LRP1B: variants seen among roughly 807,000 people sequenced by gnomAD.
LRP1B encodes the protein low-density lipoprotein receptor-related protein 1B.
LRP1B carries 217 observed loss-of-function variants against 556.6 expected under a neutral mutation model. That is an observed-to-expected ratio of 0.39 (90% CI 0.35 to 0.44). LRP1B has a LOEUF of 0.44. Ranked by LOEUF, LRP1B falls within the 20% of genes least tolerant of loss-of-function variation. The probability of loss-of-function intolerance (pLI) is 1.00; values close to 1 mark genes in which losing one functional copy is unlikely to be tolerated. For synonymous variants in LRP1B, 2,047 were observed against 1,865.8 expected, an observed-to-expected ratio of 1.10 and a Z score of -2.50; for missense variants, 5,053 against 5,620.8, an observed-to-expected ratio of 0.90 and a Z score of 3.23.
In LRP1B at chr2:140,842,502, G is replaced by A. The variant is rs372869344; in HGVS notation, c.4940-1410C>T. On this transcript the variant is annotated intron_variant, in intron 29 of 90. Transcript: ENST00000389484. ...CCTCTCACTCTGCAAATTACTTTTC[G>A]TGATTAATTTACAGGTGAGTTGGTG... 3.9e-5 allele frequency among the ~76,000 whole-genome samples: 6 copies of A among 152,180 alleles called. No individual in the cohort carries two copies. In the East Asian group the frequency reaches 5.8e-4, roughly 15 times the overall value.
intron 32 of LRP1B, among the ~76,000 whole-genome samples, chr2:140,784,339 A>C (rs548144412): frequency 6.8e-6 from 1 of 147,642 alleles, no homozygotes; most frequent in Admixed American, 6.9e-5. Context: ...GTCTAGACCA[A>C]TGCTCCGAAG....
chr2:141,410,564 G>T (rs1011035058), intron 3 of LRP1B, among the ~76,000 whole-genome samples: 2 of 151,992 alleles, frequency 1.3e-5, no homozygotes, highest in East Asian at 3.9e-4. Flanking sequence ...GTGTGCACAT[G>T]CATGCACGAA....
rs574274997 is a variant in LRP1B at position 140,457,101 on chromosome 2, C to T, written c.9814+362G>A. On this transcript the variant is annotated intron_variant, in intron 61 of 90. Coordinates refer to ENST00000389484, the MANE Select transcript of LRP1B (RefSeq NM_018557.3). ...TTGATAGAGTTGTCAGTTTTAAAAC[C>T]CTAGAGCTACTTAAGCATAATTCCT... 2.6e-5 allele frequency among the ~76,000 whole-genome samples: 4 copies of T among 152,082 alleles called. No individual in the cohort carries two copies. In the East Asian group the frequency reaches 7.7e-4, roughly 29 times the overall value.
intron 7 of LRP1B, among the ~76,000 whole-genome samples, chr2:141,126,504 T>C (rs1319690906): frequency 6.6e-6 from 1 of 152,198 alleles, no homozygotes; most frequent in Non-Finnish European, 1.5e-5. Context: ...TTATCCCTCC[T>C]TGTTGCAGTC....
chr2:140,607,519 G>C (rs1250927044), intron 41 of LRP1B, among the ~76,000 whole-genome samples: 1 of 151,962 alleles, frequency 6.6e-6, no homozygotes, highest in Non-Finnish European at 1.5e-5. Flanking sequence ...AAACAGCCCA[G>C]ATGTCAATCA....
chr2:141,815,893 C>T (rs994938819), intron 1 of LRP1B, among the ~76,000 whole-genome samples: 9 of 151,544 alleles, frequency 5.9e-5, no homozygotes, highest in African/African-American at 1.7e-4. Flanking sequence ...GTGAACCCAC[C>T]GGAAGGAACC....
At chr2:140,339,291 T>C (rs1326614304) in intron 77 of LRP1B, among the ~76,000 whole-genome samples, 3 of 151,824 alleles carry the variant, frequency 2.0e-5, no homozygotes, top group Non-Finnish European at 2.9e-5. Context: ...TGAAGACATT[T>C]GTTTTAAAAC....
chr2:141,472,046 T>C lies in LRP1B; in HGVS notation c.343+8350A>G, dbSNP rs147498242. ...CTTGTCCGAAGGAAGTTGAGTTTTCTGGCTTTTTGTGATTTCACACAAGAC... is the reference window on the plus strand; with the variant it reads ...CTTGTCCGAAGGAAGTTGAGTTTTCCGGCTTTTTGTGATTTCACACAAGAC... On this transcript the variant is annotated intron_variant, in intron 3 of 90. Coordinates refer to ENST00000389484, the MANE Select transcript of LRP1B (RefSeq NM_018557.3). 3.9e-3 allele frequency among the ~76,000 whole-genome samples: 595 copies of C among 152,354 alleles called. 9 individuals are homozygous for C. Among genetic ancestry groups the C allele is most frequent in the African/African-American group, 0.013 (528 of 41,590 alleles).
chr2:140,434,007 TCTCTA>T (rs759561686), intron 66 of LRP1B, among the ~76,000 whole-genome samples: 8 of 152,234 alleles, frequency 5.3e-5, no homozygotes, highest in Non-Finnish European at 1.0e-4. Flanking sequence ...GAAGATCTGT[TCTCTA>T]CTCTATTTCT....
intron 1 of LRP1B, among the ~76,000 whole-genome samples, chr2:142,022,379 T>C (rs188901035): frequency 0.032 from 4,878 of 151,162 alleles, 92 homozygotes; most frequent in Non-Finnish European, 0.04. Context: ...TTTGAAACAC[T>C]TTATTATTAT....
intron 6 of LRP1B, 35 bp from the exon 7 acceptor site, chr2:141,188,618 G>C (rs2105194247): frequency 6.3e-7 from 1 of 1,586,450 alleles, no homozygotes; most frequent in Non-Finnish European, 8.6e-7. Context: ...TTGAATCACA[G>C]GTGCAATCTA....
At chr2:140,492,550 C>A (rs2104862493) in intron 57 of LRP1B, 58 bp downstream of exon 57, 2 of 1,170,356 alleles carry the variant, frequency 1.7e-6, no homozygotes, top group Non-Finnish European at 2.5e-6. Context: ...TTCTACAGCT[C>A]TAACACATAC....
chr2:141,177,280 G>GA (rs1464850841), intron 7 of LRP1B, among the ~76,000 whole-genome samples: 1 of 152,094 alleles, frequency 6.6e-6, no homozygotes, highest in Non-Finnish European at 1.5e-5. Flanking sequence ...ATTTTAGGTA[G>GA]AAAAAAATAA....
intron 32 of LRP1B, among the ~76,000 whole-genome samples, chr2:140,807,857 C>G (rs1283032699): frequency 6.6e-6 from 1 of 151,724 alleles, no homozygotes; most frequent in East Asian, 1.9e-4. Context: ...GATGGGAGGC[C>G]AAGGTGGGTG....
At chr2:140,307,978 T>C (rs1684136624) in intron 83 of LRP1B, among the ~76,000 whole-genome samples, 1 of 151,840 alleles carries the variant, frequency 6.6e-6, no homozygotes, top group Non-Finnish European at 1.5e-5. Flanking sequence ...ACATTAAAGA[T>C]AATAATTTCC....
At chr2:140,526,521 C>G (rs78906775) in intron 47 of LRP1B, among the ~76,000 whole-genome samples, 171 bp from the exon 48 acceptor site, 17,087 of 151,488 alleles carry the variant, frequency 0.11, 1,263 homozygotes, top group East Asian at 0.21. Context: ...TTAGATGCCT[C>G]TTATATGTCT....
chr2:141,895,011 G>T (rs1381511840), intron 1 of LRP1B, among the ~76,000 whole-genome samples: 1 of 137,074 alleles, frequency 7.3e-6, no homozygotes, highest in African/African-American at 2.8e-5. Context: ...TCGTGCCATT[G>T]CACTCCAGCC....
intron 1 of LRP1B, among the ~76,000 whole-genome samples, chr2:141,978,073 A>G (rs1368743793): frequency 6.6e-6 from 1 of 152,114 alleles, no homozygotes; most frequent in East Asian, 1.9e-4. Context: ...GTTTTGGTAT[A>G]TTATTATCCT....
intron 31 of LRP1B, among the ~76,000 whole-genome samples, chr2:140,820,012 T>A (rs373452308): frequency 6.6e-6 from 1 of 152,190 alleles, no homozygotes; most frequent in South Asian, 2.1e-4. Flanking sequence ...TTACTATTAT[T>A]TTTTCAAGAC....
Sources: gnomAD v4.1 joint callset for allele counts (sites outside exome capture counted in the v4.1 genomes callset) on GRCh38, gnomAD v4.1.1 for gene constraint, MANE v1.5 for transcripts, NCBI Gene and HGNC (gene_info 2026-07-23, HGNC 2026-07-21) for gene names.